Variants in CEBPZ observed in about 807,000 individuals in gnomAD.
The protein encoded by CEBPZ is CCAAT/enhancer-binding protein zeta.
CEBPZ carries 78 observed loss-of-function variants against 104.5 expected under a neutral mutation model. That is an observed-to-expected ratio of 0.75 (90% CI 0.62 to 0.90). The LOEUF (loss-of-function observed/expected upper bound fraction) is 0.90, where lower values mean the gene tolerates loss of function less well. Among genes scored for constraint, CEBPZ ranks in the 40% least tolerant of loss-of-function variants. CEBPZ has a pLI of 0.00. For synonymous variants in CEBPZ, 470 were observed against 427.0 expected (o/e 1.10, Z -1.24); for missense variants, 1,439 against 1,233.5 (o/e 1.17, Z -2.50).
In CEBPZ at chr2:37,228,698, G is replaced by A. The variant is rs1664953293; in HGVS notation, c.495C>T (p.Asn165=). 4 of 1,614,106 alleles carry A rather than the reference G, an allele frequency of 2.5e-6. No homozygotes were observed. Among genetic ancestry groups the A allele is most frequent in the Non-Finnish European group, 3.4e-6 (4 of 1,179,996 alleles). ...TCTGTCTCTCAAAAAATTCAAAGATGTTCTGTTTATCTTTCTTTACTTTCG... is the reference window on the plus strand; with the variant it reads ...TCTGTCTCTCAAAAAATTCAAAGATATTCTGTTTATCTTTCTTTACTTTCG... ...TTPKVKKDKQ[N]IFEFFERQTL... Residue 165 remains asparagine, a synonymous_variant, in exon 2 of 16, where the codon AAC becomes AAT. Transcript: ENST00000234170.
chr2:37,221,333 A>T (rs901666432), intron 4 of CEBPZ, among the ~76,000 whole-genome samples: 2 of 152,034 alleles, frequency 1.3e-5, no homozygotes, highest in South Asian at 2.1e-4. Context: ...AAAAACAAAA[A>T]CCAAACCAAA....
intron 12 of CEBPZ, chr2:37,211,611 G>A: frequency 2.2e-6 from 1 of 455,110 alleles, no homozygotes; most frequent in Non-Finnish European, 3.8e-6. Context: ...GCTAGCTGCT[G>A]GTTAAAGTAA....
Position 37,225,606 on chromosome 2 carries a change from A to C in CEBPZ, c.1649+1938T>G, listed in dbSNP as rs533067850. 5.0e-3 allele frequency among the ~76,000 whole-genome samples: 445 copies of C among 88,940 alleles called. 2 individuals are homozygous for C. The highest frequency in any genetic ancestry group is 6.2e-3 in the Non-Finnish European group (276 of 44,776). The allele number at this position is 88,940 out of a possible 152,430, so 58.3% of individuals were successfully genotyped here. A position where few individuals can be genotyped will look rare whatever the true frequency, so the allele number is the denominator to read the frequency against. ...AATCTCAAGTACCCAGGGACACAAA[A>C]ACTGCGGAAGGCCGCAGGGACCTCT... On this transcript the variant is annotated intron_variant, in intron 2 of 15. Coordinates refer to ENST00000234170, the MANE Select transcript of CEBPZ (RefSeq NM_005760.3).
chr2:37,212,781 G>A lies in CEBPZ; in HGVS notation c.2546-389C>T, dbSNP rs1572499559. 3 of 163,988 alleles carry A rather than the reference G, an allele frequency of 1.8e-5. No individual in the cohort carries two copies. The East Asian group carries it at 5.3e-4, about 29-fold the overall frequency. 10.2% of individuals were successfully genotyped at this position (163,988 alleles called of 1,614,324 possible). Reference sequence around the variant, plus strand: ...TGCTTGTAATTCCAGCACTTTGGGAGGCCGAGGTGGAGTGATCATCAGCCT... The same window carrying A: ...TGCTTGTAATTCCAGCACTTTGGGAAGCCGAGGTGGAGTGATCATCAGCCT... On this transcript the variant is annotated intron_variant, in intron 10 of 15. Transcript: ENST00000234170.
In CEBPZ at chr2:37,231,487, C is replaced by T; in HGVS notation, c.81G>A (p.Glu27=). The T allele has an allele frequency of 1.2e-6, 2 of 1,614,278 alleles. No homozygotes were observed. The highest frequency in any genetic ancestry group is 1.7e-6 in the Non-Finnish European group (2 of 1,180,050). The change falls in exon 1 of 16, where the codon GAG becomes GAA. Residue 27 remains glutamate (E), a synonymous_variant. Coordinates refer to ENST00000234170, the MANE Select transcript of CEBPZ (RefSeq NM_005760.3). ...RPEEAVEDPD[E]EDEDNTSEAE... is the part of the protein sequence containing the mutation. ...CTTCACTAGTATTATCCTCATCCTC[C>T]TCGTCCGGATCTTCTACTGCCTCCT...
At chr2:37,210,147 G>C (rs942008869) in intron 13 of CEBPZ, 3 of 152,208 alleles carry the variant, frequency 2.0e-5, no homozygotes, top group Non-Finnish European at 4.4e-5. Flanking sequence ...CATGGATGTG[G>C]TAATAAGGGA....
At chr2:37,217,128 T>G in intron 5 of CEBPZ, 91 bp from the exon 6 acceptor site, 1 of 1,047,852 alleles carries the variant, frequency 9.5e-7, no homozygotes, top group South Asian at 1.3e-5. Flanking sequence ...CTGGGTGTGG[T>G]GGCTCACACC....
chr2:37,211,745 A>C, intron 12 of CEBPZ, 98 bp downstream of exon 12: 1 of 831,590 alleles, frequency 1.2e-6, no homozygotes, highest in Non-Finnish European at 1.8e-6. Context: ...TATTAATTTG[A>C]ATACAGGGCT....
intron 13 of CEBPZ, among the ~76,000 whole-genome samples, chr2:37,207,758 ACAAAT>A (rs1677587289): frequency 6.6e-6 from 1 of 152,128 alleles, no homozygotes; most frequent in African/African-American, 2.4e-5. Flanking sequence ...AGAAACAAGA[ACAAAT>A]CAAACTCAAA....
At chr2:37,226,527 T>C (rs1046969259) in intron 2 of CEBPZ, among the ~76,000 whole-genome samples, 2 of 152,204 alleles carry the variant, frequency 1.3e-5, no homozygotes, top group East Asian at 1.9e-4. Context: ...AATAATCATA[T>C]GAGATAGCTG....
intron 5 of CEBPZ, 41 bp from the exon 6 acceptor site, chr2:37,217,078 C>T (rs140609094): frequency 7.3e-6 from 11 of 1,507,264 alleles, no homozygotes; most frequent in South Asian, 3.4e-5. Flanking sequence ...TTTCTAAGGT[C>T]GACTCTTAGT....
chr2:37,213,862 A>G lies in CEBPZ; in HGVS notation c.2545+2T>C. 1 of 1,592,316 alleles carries G rather than the reference A, an allele frequency of 6.3e-7. No individual in the cohort carries two copies. Among genetic ancestry groups the G allele is most frequent in the Non-Finnish European group, 8.6e-7 (1 of 1,164,360 alleles). ...TTACAAAGAGTCAACAAAACAAATTACCAATCAGCTCTTCAAATTCTTCAT... is the reference window on the plus strand; with the variant it reads ...TTACAAAGAGTCAACAAAACAAATTGCCAATCAGCTCTTCAAATTCTTCAT... On this transcript the variant is annotated splice_donor_variant, in intron 10 of 15. Transcript: ENST00000234170. LOFTEE classifies it high-confidence loss of function.
chr2:37,224,212 C>T (rs1165476151), intron 2 of CEBPZ, among the ~76,000 whole-genome samples: 1 of 152,168 alleles, frequency 6.6e-6, no homozygotes, highest in Non-Finnish European at 1.5e-5. Context: ...ATGTGCTTGT[C>T]TCTCCCTAAT....
Position 37,223,327 on chromosome 2 carries a change from T to G in CEBPZ, c.1724A>C (p.Lys575Thr). ...CACCCGGCGCAACACAATGTCAGCT[T>G]TCAGAGATTTGTAGACAAGGTTAAG... is the stretch of plus-strand genomic sequence containing the variant. ...MFLNLVYKSLKADIVLRRVKA... is the reference protein window; with the variant it reads ...MFLNLVYKSLTADIVLRRVKA... Residue 575 changes from lysine (K) to threonine (T), a missense_variant, in exon 3 of 16, where the codon AAA becomes ACA. By Grantham distance (78) the Lys-to-Thr change is moderately conservative. Coordinates refer to ENST00000234170, the MANE Select transcript of CEBPZ (RefSeq NM_005760.3). The G allele has an allele frequency of 6.2e-7, 1 of 1,614,122 alleles. No individual in the cohort carries two copies. The highest frequency in any genetic ancestry group is 1.1e-5 in the South Asian group (1 of 91,076).
At chr2:37,218,970 C>T (rs1664702339) in intron 5 of CEBPZ, among the ~76,000 whole-genome samples, 3 of 152,240 alleles carry the variant, frequency 2.0e-5, no homozygotes. Flanking sequence ...CCACAACAAT[C>T]ACATTGTTAG....
chr2:37,220,342 T>C (rs1188937527), intron 5 of CEBPZ, 43 bp downstream of exon 5: 4 of 697,422 alleles, frequency 5.7e-6, no homozygotes, highest in Admixed American at 3.5e-5. Flanking sequence ...TATATATATA[T>C]ATATAGCATA....
At chr2:37,213,202 CAGT>C (rs1677782405) in intron 10 of CEBPZ, among the ~76,000 whole-genome samples, 3 of 152,142 alleles carry the variant, frequency 2.0e-5, no homozygotes, top group South Asian at 2.1e-4. Context: ...AAAGATCAAA[CAGT>C]AGACTATTGC....
chr2:37,212,453 G>A (rs1677753345), intron 10 of CEBPZ, 61 bp from the exon 11 acceptor site: 1 of 1,346,892 alleles, frequency 7.4e-7, no homozygotes. Context: ...CATATATCTT[G>A]TATCTGAATC....
chr2:37,224,662 A>C (rs1664843611), intron 2 of CEBPZ, among the ~76,000 whole-genome samples: 1 of 152,248 alleles, frequency 6.6e-6, no homozygotes, highest in Non-Finnish European at 1.5e-5. Context: ...ACATCTGAGA[A>C]GAATTTAGAG....
Sources: gnomAD v4.1 joint callset for allele counts (sites outside exome capture counted in the v4.1 genomes callset) on GRCh38, gnomAD v4.1.1 for gene constraint, MANE v1.5 for transcripts, NCBI Gene and HGNC (gene_info 2026-07-23, HGNC 2026-07-21) for gene names.